The following UNC13B variants were observed in gnomAD, a reference collection of about 807,000 sequenced individuals.
The protein encoded by UNC13B is unc-13 homolog B.
UNC13B carries 144 observed loss-of-function variants against 211.0 expected under a neutral mutation model. That is an observed-to-expected ratio of 0.68 (90% confidence interval 0.60 to 0.78). The LOEUF (loss-of-function observed/expected upper bound fraction) is 0.78, where lower values mean the gene tolerates loss of function less well. Ranked by LOEUF, UNC13B falls within the 30% of genes least tolerant of loss-of-function variation. UNC13B has a pLI of 0.00. For synonymous variants in UNC13B, 709 were observed against 725.8 expected (o/e 0.98, Z 0.37); for missense variants, 1,777 against 2,002.0 (o/e 0.89, Z 2.14).
chr9:35,168,519 A>G (rs1007661220), intron 1 of UNC13B, among the ~76,000 whole-genome samples: 1 of 152,114 alleles, frequency 6.6e-6, no homozygotes, highest in African/African-American at 2.4e-5. Flanking sequence ...AGTTGGACCA[A>G]ATGCCTCGGT....
chr9:35,255,091 T>TA (rs1353860947), intron 6 of UNC13B, among the ~76,000 whole-genome samples: 2 of 123,286 alleles, frequency 1.6e-5, no homozygotes, highest in Non-Finnish European at 3.3e-5. Context: ...ATATTATATA[T>TA]ATATTATATA....
chr9:35,198,685 C>CAAAAA, intron 1 of UNC13B, among the ~76,000 whole-genome samples: 1 of 152,178 alleles, frequency 6.6e-6, no homozygotes, highest in South Asian at 2.1e-4. Context: ...GTCTTAGAGA[C>CAAAAA]TTGTTAAATT....
At chr9:35,393,125 A>ACCATC (rs1163034824) in intron 26 of UNC13B, among the ~76,000 whole-genome samples, 1 of 152,196 alleles carries the variant, frequency 6.6e-6, no homozygotes, top group African/African-American at 2.4e-5. Flanking sequence ...AAGGCATAGC[A>ACCATC]CCATCCCTTA....
At chr9:35,185,369 T>C (rs1046221569) in intron 1 of UNC13B, among the ~76,000 whole-genome samples, 1 of 152,216 alleles carries the variant, frequency 6.6e-6, no homozygotes, top group African/African-American at 2.4e-5. Context: ...GTCAGCTCTG[T>C]GTAGCTTCCT....
intron 7 of UNC13B, among the ~76,000 whole-genome samples, chr9:35,274,100 A>C (rs1828040814): frequency 2.0e-5 from 3 of 152,178 alleles, no homozygotes; most frequent in Admixed American, 1.3e-4. Flanking sequence ...GTAAAAAAGA[A>C]GCCTGGTTAG....
intron 13 of UNC13B, 143 bp from the exon 14 acceptor site, chr9:35,374,984 A>G: frequency 2.5e-6 from 2 of 810,944 alleles, no homozygotes; most frequent in Non-Finnish European, 4.2e-6. Context: ...GTCACCTGTT[A>G]GGGCGGTTGC....
intron 1 of UNC13B, among the ~76,000 whole-genome samples, chr9:35,203,091 C>T (rs547332580): frequency 8.5e-5 from 13 of 152,220 alleles, no homozygotes; most frequent in South Asian, 4.2e-4. Context: ...CATGCCCGGC[C>T]GGGTCTTGAC....
At chr9:35,374,718 A>G (rs542242076) in intron 13 of UNC13B, among the ~76,000 whole-genome samples, 2 of 152,286 alleles carry the variant, frequency 1.3e-5, no homozygotes, top group South Asian at 4.1e-4. Context: ...TTTTCTCCAT[A>G]ATGGCTCTTG....
At chr9:35,378,994 T>C (rs561270730) in intron 17 of UNC13B, among the ~76,000 whole-genome samples, 183 of 152,344 alleles carry the variant, frequency 1.2e-3, no homozygotes, top group African/African-American at 4.1e-3. Context: ...CTATTTCTTA[T>C]GACAGTAAAG....
Position 35,384,267 on chromosome 9 carries a change from C to T in UNC13B, c.10828C>T (p.Leu3610=). 3.7e-6 allele frequency: 6 copies of T among 1,614,016 alleles called. No individual in the cohort carries two copies. Among genetic ancestry groups the T allele is most frequent in the Non-Finnish European group, 5.1e-6 (6 of 1,179,948 alleles). The change falls in exon 22 of 40, where the codon CTG becomes TTG. Residue 3610 remains leucine, a synonymous_variant. Transcript: ENST00000635942. The part of the protein sequence containing the change: ...NFGKERFVKL[L]DQLHNSLRID... ...TCAGAAAGAGAGATTTGTAAAACTG[C>T]TGGACCAGCTACACAACTCACTGAG...
chr9:35,403,470 C>G lies in UNC13B; in HGVS notation c.12608C>G (p.Thr4203Arg), dbSNP rs775407637. The change falls in exon 39 of 40, where the codon ACA becomes AGA. Residue 4203 changes from threonine (T) to arginine (R), a missense_variant. Physicochemically the swap from Thr to Arg is moderately conservative, Grantham distance 71. Coordinates refer to ENST00000635942, the MANE Select transcript of UNC13B (RefSeq NM_001371189.2). ...GCTGCCAATGACCTCAAGTGGCAGACAGCGGGTATGTTCCGGCCTTTCGTG... is the reference window on the plus strand; with the variant it reads ...GCTGCCAATGACCTCAAGTGGCAGAGAGCGGGTATGTTCCGGCCTTTCGTG... ...VVAANDLKWQ[T>R]AGMFRPFVEV... 2 of 1,613,934 alleles carry G rather than the reference C, an allele frequency of 1.2e-6. No individual in the cohort carries two copies. The highest frequency in any genetic ancestry group is 3.3e-5 in the Admixed American group (2 of 60,024).
At position 35,250,057 on chromosome 9, in the gene UNC13B, C is replaced by G. The variant is rs139367297; in HGVS notation, c.468+6693C>G. ...TAGTTGTGCCCTATGGATATCACCA[C>G]AACTCCAAATCAGATTTTTGCCTTC... On this transcript the variant is annotated intron_variant, in intron 6 of 39. Coordinates refer to ENST00000635942, the MANE Select transcript of UNC13B (RefSeq NM_001371189.2). 4.8e-3 allele frequency among the ~76,000 whole-genome samples: 731 copies of G among 152,148 alleles called. 4 individuals are homozygous for G. The highest frequency in any genetic ancestry group is 0.021 in the East Asian group (110 of 5,186).
At position 35,381,142 on chromosome 9, in the gene UNC13B, T is replaced by A. The variant is rs1377843954; in HGVS notation, c.10418T>A (p.Leu3473Gln). 6.2e-7 allele frequency: 1 copy of A among 1,614,182 alleles called. No individual in the cohort carries two copies. The highest frequency in any genetic ancestry group is 1.7e-4 in the Middle Eastern group (1 of 6,058). The stretch of plus-strand genomic sequence containing the variant: ...TCAGCCGTCTCAGGGGCTATCCGAC[T>A]ACAAATCAGTGTGGAGATCAAGGGG... The part of the protein sequence containing the change: ...DKSAVSGAIR[L>Q]QISVEIKGEE... Residue 3473 changes from leucine to glutamine, a missense_variant, in exon 19 of 40, where the codon CTA becomes CAA. Transcript: ENST00000635942.
intron 11 of UNC13B, among the ~76,000 whole-genome samples, chr9:35,343,011 G>A (rs890480680): frequency 2.6e-5 from 4 of 152,212 alleles, no homozygotes; most frequent in African/African-American, 4.8e-5. Flanking sequence ...GTCATCTTGA[G>A]TTTTCTCAGT....
intron 7 of UNC13B, among the ~76,000 whole-genome samples, chr9:35,278,710 A>G (rs553216242): frequency 2.0e-5 from 3 of 152,040 alleles, no homozygotes; most frequent in East Asian, 1.9e-4. Context: ...TCTTATAAGT[A>G]GGATATTTTC....
rs751575962 is a variant in UNC13B, at chr9:35,295,689, T to TAA, written c.527-7_527-6insAA. 6.8e-6 allele frequency: 11 copies of TAA among 1,613,740 alleles called. No homozygotes were observed. The East Asian group carries it at 2.5e-4, about 36-fold the overall frequency. On this transcript the variant is annotated splice_region_variant and splice_polypyrimidine_tract_variant and intron_variant, in intron 7 of 39. Transcript: ENST00000635942. ...GGGTGCTTTGATTGAATGTGCTTAT[T>TAA]CCATAGCTTTTGAAGACCCTGATAG... is the stretch of plus-strand genomic sequence containing the variant.
At chr9:35,171,848 C>T (rs1821350349) in intron 1 of UNC13B, among the ~76,000 whole-genome samples, 1 of 152,150 alleles carries the variant, frequency 6.6e-6, no homozygotes, top group Non-Finnish European at 1.5e-5. Flanking sequence ...TTCTTAATCT[C>T]ATGACAGTGT....
intron 6 of UNC13B, among the ~76,000 whole-genome samples, chr9:35,258,131 A>C (rs1480998016): frequency 1.3e-5 from 2 of 152,234 alleles, no homozygotes; most frequent in African/African-American, 4.8e-5. Flanking sequence ...GCAGTTTTAG[A>C]GAAGCATTGA....
intron 8 of UNC13B, among the ~76,000 whole-genome samples, chr9:35,297,561 T>TTTTTTTTTTTTTTTTTTTTTG: frequency 5.4e-4 from 69 of 128,216 alleles, no homozygotes; most frequent in Non-Finnish European, 8.1e-4. Context: ...TTTTTTTTTT[T>TTTTTTTTTTTTTTTTTTTTTG]TTTTTTGAGA....
Sources: gnomAD v4.1 joint callset for allele counts (sites outside exome capture counted in the v4.1 genomes callset) on GRCh38, gnomAD v4.1.1 for gene constraint, MANE v1.5 for transcripts, NCBI Gene and HGNC (gene_info 2026-07-23, HGNC 2026-07-21) for gene names.